KIDINS220: variants seen among roughly 807,000 people sequenced by gnomAD.
KIDINS220 encodes kinase D interacting substrate 220.
In KIDINS220, 63 loss-of-function variants were observed where a neutral mutation model predicts 157.6. That is an observed-to-expected ratio of 0.40 (90% confidence interval 0.33 to 0.49). The LOEUF (loss-of-function observed/expected upper bound fraction) is 0.49, where lower values mean the gene tolerates loss of function less well. Among genes scored for constraint, KIDINS220 ranks in the 20% least tolerant of loss-of-function variants. KIDINS220 has a pLI of 0.66. For missense variants in KIDINS220, 1,772 were observed against 2,171.2 expected, an observed-to-expected ratio of 0.82 and a Z score of 3.65; for synonymous variants, 732 against 783.6, an observed-to-expected ratio of 0.93 and a Z score of 1.10.
Position 8,812,392 on chromosome 2 carries a change from T to G in KIDINS220, c.504+3A>C, listed in dbSNP as rs764039387. Reference sequence around the variant, plus strand: ...GGAACCTGAAAAGATGCTGCTGACCTACCTTATCAGAGCAGTTGACTTTAG... The same window carrying G: ...GGAACCTGAAAAGATGCTGCTGACCGACCTTATCAGAGCAGTTGACTTTAG... On this transcript the variant is annotated splice_donor_region_variant and intron_variant, in intron 6 of 29. Coordinates refer to ENST00000256707, the MANE Select transcript of KIDINS220 (RefSeq NM_020738.4). 6.4e-7 allele frequency: 1 copy of G among 1,565,196 alleles called. No homozygotes were observed. Among genetic ancestry groups the G allele is most frequent in the Admixed American group, 1.8e-5 (1 of 56,368 alleles).
chr2:8,747,077 A>T, intron 26 of KIDINS220, 68 bp downstream of exon 26: 1 of 1,402,804 alleles, frequency 7.1e-7, no homozygotes, highest in East Asian at 2.3e-5. Flanking sequence ...CATCACAATT[A>T]AGACAGTCAT....
At chr2:8,762,988 G>A (rs76655953) in intron 22 of KIDINS220, among the ~76,000 whole-genome samples, 2,673 of 152,152 alleles carry the variant, frequency 0.018, 88 homozygotes, top group African/African-American at 0.061. Flanking sequence ...AGTTGTTCGC[G>A]TTTTTCAACA....
chr2:8,779,563 ACTACT>A (rs1392365649), intron 18 of KIDINS220, 106 bp downstream of exon 18: 5 of 1,106,160 alleles, frequency 4.5e-6, no homozygotes, highest in Non-Finnish European at 6.3e-6. Flanking sequence ...CAAAATAGGA[ACTACT>A]CAAACAAAAA....
chr2:8,834,156 G>T (rs1021079908), intron 1 of KIDINS220, among the ~76,000 whole-genome samples: 3 of 152,094 alleles, frequency 2.0e-5, no homozygotes, highest in Non-Finnish European at 4.4e-5. Context: ...TCCTGGGCCT[G>T]GGTGGCAGCG....
intron 27 of KIDINS220, among the ~76,000 whole-genome samples, chr2:8,736,397 T>C (rs1358222356): frequency 6.6e-6 from 1 of 152,216 alleles, no homozygotes; most frequent in Admixed American, 6.5e-5. Flanking sequence ...TTTCATCAAA[T>C]GTGACATGAT....
At chr2:8,800,560 T>G in intron 8 of KIDINS220, 62 bp from the exon 9 acceptor site, 1 of 1,109,106 alleles carries the variant, frequency 9.0e-7, no homozygotes, top group Non-Finnish European at 1.3e-6. Context: ...GCACTCTTTT[T>G]AAGTTACAGT....
Position 8,736,974 on chromosome 2 carries a change from A to ACTGGGCCTGGGG in KIDINS220, c.3599_3610dup (p.Ala1200_Pro1203dup), listed in dbSNP as rs1353535944. 1.2e-6 allele frequency: 2 copies of ACTGGGCCTGGGG among 1,614,170 alleles called. No homozygotes were observed. Among genetic ancestry groups the ACTGGGCCTGGGG allele is most frequent in the South Asian group, 1.1e-5 (1 of 91,082 alleles). On this transcript the variant is annotated inframe_insertion, in exon 27 of 30. Coordinates refer to ENST00000256707, the MANE Select transcript of KIDINS220 (RefSeq NM_020738.4). ...CACATTCAGTGAATTCAGTAATACC[A>ACTGGGCCTGGGG]CTGGGCCTGGGGCTGGGCCTGACCC...
intron 17 of KIDINS220, among the ~76,000 whole-genome samples, chr2:8,780,878 A>T (rs1671625854): frequency 6.6e-6 from 1 of 151,882 alleles, no homozygotes. Flanking sequence ...CAAAAATAGG[A>T]ACAAAAATCA....
downstream of KIDINS220, chr2:8,721,995 GATAAA>G (rs1433629707): frequency 3.3e-5 from 5 of 152,090 alleles, no homozygotes; most frequent in African/African-American, 1.2e-4. Context: ...AAGAATAACT[GATAAA>G]ATAAATATTC....
chr2:8,767,675 A>G (rs1390012202), intron 22 of KIDINS220, among the ~76,000 whole-genome samples: 1 of 152,218 alleles, frequency 6.6e-6, no homozygotes, highest in Non-Finnish European at 1.5e-5. Context: ...AGTGAGAGCT[A>G]CAAGAGGTAT....
At chr2:8,817,851 T>C in intron 3 of KIDINS220, 135 bp from the exon 4 acceptor site, 1 of 502,324 alleles carries the variant, frequency 2.0e-6, no homozygotes, top group Admixed American at 3.6e-5. Flanking sequence ...ACTAAACTAC[T>C]CTAAAGTCAT....
chr2:8,798,130 G>A (rs1464462612), intron 10 of KIDINS220, 72 bp downstream of exon 10: 30 of 847,858 alleles, frequency 3.5e-5, no homozygotes, highest in Middle Eastern at 2.2e-4. Flanking sequence ...AAACAAAGAC[G>A]ACTGAAATAA....
At chr2:8,769,236 G>A (rs772910918) in intron 22 of KIDINS220, among the ~76,000 whole-genome samples, 27 of 152,128 alleles carry the variant, frequency 1.8e-4, no homozygotes, top group Non-Finnish European at 3.4e-4. Context: ...TAAGTGACTC[G>A]ACCTCCTTAA....
At chr2:8,808,378 G>A (rs1214217257) in intron 6 of KIDINS220, among the ~76,000 whole-genome samples, 1 of 152,076 alleles carries the variant, frequency 6.6e-6, no homozygotes, top group Non-Finnish European at 1.5e-5. Context: ...CTCATCCTTT[G>A]AATATCTATT....
chr2:8,798,398 C>A, intron 9 of KIDINS220, 98 bp from the exon 10 acceptor site: 1 of 695,322 alleles, frequency 1.4e-6, no homozygotes, highest in East Asian at 2.7e-5. Flanking sequence ...AGCATTCCAA[C>A]AGGCAGCATG....
At position 8,798,176 on chromosome 2, in the gene KIDINS220, T is replaced by A. The variant is rs777581174; in HGVS notation, c.999+26A>T. The A allele has an allele frequency of 2.6e-5, 36 of 1,359,866 alleles. No homozygotes were observed. In the Middle Eastern group the frequency reaches 2.5e-3, roughly 95 times the overall value. 84.2% of individuals were successfully genotyped at this position (1,359,866 alleles called of 1,614,324 possible). A position where few individuals can be genotyped will look rare whatever the true frequency, so the allele number is the denominator to read the frequency against. On this transcript the variant is annotated intron_variant, in intron 10 of 29. Coordinates refer to ENST00000256707, the MANE Select transcript of KIDINS220 (RefSeq NM_020738.4). ...ACTAACATTCAGCATAAGGTGCTGC[T>A]AACAGAATAGAAATGCCATTTATAC... is the stretch of plus-strand genomic sequence containing the variant.
downstream of KIDINS220, chr2:8,728,844 CAT>C (rs777829989): frequency 7.5e-5 from 74 of 985,012 alleles, no homozygotes; most frequent in East Asian, 6.8e-4. Context: ...AAACTTCAGA[CAT>C]GTGACAAAAC....
chr2:8,785,600 C>T (rs1017285513), intron 17 of KIDINS220, 141 bp downstream of exon 17: 21 of 782,464 alleles, frequency 2.7e-5, no homozygotes, highest in South Asian at 9.4e-5. Context: ...CTTGAATGAA[C>T]GAATGAATGA....
At chr2:8,825,365 T>A (rs1199170347) in intron 2 of KIDINS220, among the ~76,000 whole-genome samples, 2 of 2,948 alleles carry the variant, frequency 6.8e-4, no homozygotes, top group African/African-American at 1.3e-3. Flanking sequence ...AGAGTGAGAC[T>A]CCGTCTCAAA....
Sources: gnomAD v4.1 joint callset for allele counts (sites outside exome capture counted in the v4.1 genomes callset) on GRCh38, gnomAD v4.1.1 for gene constraint, MANE v1.5 for transcripts, NCBI Gene and HGNC (gene_info 2026-07-23, HGNC 2026-07-21) for gene names.